The following EXOC6B variants were observed in gnomAD, a reference collection of about 807,000 sequenced individuals.
The protein encoded by EXOC6B is SEC15 homolog B.
In EXOC6B, 54 loss-of-function variants were observed where a neutral mutation model predicts 113.5. That is an observed-to-expected ratio of 0.48 (90% confidence interval 0.38 to 0.60). EXOC6B has a LOEUF of 0.60. Among genes scored for constraint, EXOC6B ranks in the 20% least tolerant of loss-of-function variants. The pLI, the probability that EXOC6B is intolerant of heterozygous loss-of-function variation, is 0.00. For synonymous variants in EXOC6B, 357 were observed against 339.0 expected (o/e 1.05, Z -0.58); for missense variants, 797 against 977.5 (o/e 0.82, Z 2.46).
intron 19 of EXOC6B, 49 bp from the exon 20 acceptor site, chr2:72,335,069 A>G (rs1314275785): frequency 6.5e-7 from 1 of 1,537,308 alleles, no homozygotes; most frequent in South Asian, 1.1e-5. Context: ...AACCATGGAC[A>G]GGGAGATTGG....
rs112248252 is a variant in EXOC6B, at chr2:72,349,575, G to A, written c.2123-14555C>T. Among the ~76,000 whole-genome samples, 1,164 of 152,272 alleles carry A rather than the reference G, an allele frequency of 7.6e-3. 15 individuals are homozygous for A. Among genetic ancestry groups the A allele is most frequent in the African/African-American group, 0.026 (1,067 of 41,550 alleles). ...AAAACTCTGGACACTAAAACACAGT[G>A]CAGTTTCCTGATTGGTGAAAACATT... On this transcript the variant is annotated intron_variant, in intron 19 of 21. Transcript: ENST00000272427.
At chr2:72,232,714 T>C (rs1681703039) in intron 20 of EXOC6B, among the ~76,000 whole-genome samples, 1 of 152,208 alleles carries the variant, frequency 6.6e-6, no homozygotes, top group Non-Finnish European at 1.5e-5. Flanking sequence ...ATCTTAAACA[T>C]TATTTCAAAT....
intron 18 of EXOC6B, among the ~76,000 whole-genome samples, chr2:72,445,703 T>A (rs1444105048): frequency 2.6e-5 from 4 of 152,132 alleles, no homozygotes; most frequent in Non-Finnish European, 5.9e-5. Flanking sequence ...AAGAACAGCA[T>A]GGGAAAGACC....
chr2:72,748,002 A>C (rs1681809964), intron 1 of EXOC6B, among the ~76,000 whole-genome samples: 1 of 152,044 alleles, frequency 6.6e-6, no homozygotes, highest in East Asian at 1.9e-4. Context: ...ACAGCCTGGC[A>C]CAGAGGAGGT....
intron 19 of EXOC6B, among the ~76,000 whole-genome samples, chr2:72,352,826 TCTGTCAA>T (rs1689741874): frequency 6.6e-6 from 1 of 151,860 alleles, no homozygotes; most frequent in East Asian, 1.9e-4. Context: ...TGTGTAGAAA[TCTGTCAA>T]CTTGCAACAA....
chr2:72,318,435 C>G (rs1687652574), intron 20 of EXOC6B, among the ~76,000 whole-genome samples: 1 of 151,868 alleles, frequency 6.6e-6, no homozygotes, highest in Non-Finnish European at 1.5e-5. Context: ...GCTCTGTTGC[C>G]CAGGCTAGAG....
At chr2:72,432,770 TG>T (rs1695616342) in intron 18 of EXOC6B, among the ~76,000 whole-genome samples, 2 of 152,190 alleles carry the variant, frequency 1.3e-5, no homozygotes, top group Non-Finnish European at 2.9e-5. Context: ...TTGATGGGGT[TG>T]TTTTTTTTCT....
At chr2:72,297,935 A>T (rs1686242702) in intron 20 of EXOC6B, among the ~76,000 whole-genome samples, 1 of 152,126 alleles carries the variant, frequency 6.6e-6, no homozygotes, top group Non-Finnish European at 1.5e-5. Context: ...GAATAAGTGC[A>T]ATGTGGTGCT....
intron 1 of EXOC6B, among the ~76,000 whole-genome samples, chr2:72,794,016 C>A (rs763234644): frequency 6.6e-5 from 10 of 152,266 alleles, no homozygotes; most frequent in Non-Finnish European, 1.0e-4. Flanking sequence ...AAGGGGTGTC[C>A]CCTGGGGCTC....
At chr2:72,368,273 A>C (rs1690763999) in intron 19 of EXOC6B, among the ~76,000 whole-genome samples, 1 of 152,230 alleles carries the variant, frequency 6.6e-6, no homozygotes, top group African/African-American at 2.4e-5. Context: ...GAAGAAATGG[A>C]TAAATTCCTC....
chr2:72,729,183 A>G (rs1680487190), intron 5 of EXOC6B, among the ~76,000 whole-genome samples: 1 of 152,112 alleles, frequency 6.6e-6, no homozygotes, highest in African/African-American at 2.4e-5. Flanking sequence ...GAATAGAAGA[A>G]CATTCAATAA....
At chr2:72,242,915 T>A (rs575719680) in intron 20 of EXOC6B, among the ~76,000 whole-genome samples, 2 of 152,266 alleles carry the variant, frequency 1.3e-5, no homozygotes, top group South Asian at 4.2e-4. Context: ...AAATTTTTTT[T>A]GTAGAGATGG....
intron 6 of EXOC6B, among the ~76,000 whole-genome samples, chr2:72,628,202 A>G (rs955831813): frequency 6.6e-5 from 10 of 150,796 alleles, no homozygotes; most frequent in Non-Finnish European, 1.3e-4. Context: ...ATAGCTCACT[A>G]CTGCCTCAAA....
intron 20 of EXOC6B, among the ~76,000 whole-genome samples, chr2:72,236,103 C>T (rs757705086): frequency 5.9e-5 from 9 of 152,128 alleles, no homozygotes; most frequent in Non-Finnish European, 1.2e-4. Flanking sequence ...AATTTACTTC[C>T]CTTGGATTCT....
chr2:72,657,760 A>G (rs556926043), intron 6 of EXOC6B, among the ~76,000 whole-genome samples: 23 of 150,598 alleles, frequency 1.5e-4, no homozygotes, highest in Non-Finnish European at 2.4e-4. Flanking sequence ...ACCATAAGAA[A>G]TTCACATAAG....
chr2:72,225,007 A>ATATATATATATATATATATATAT (rs1681138635), intron 20 of EXOC6B, among the ~76,000 whole-genome samples: 1 of 114,176 alleles, frequency 8.8e-6, no homozygotes, highest in African/African-American at 3.0e-5. Flanking sequence ...TATATATATA[A>ATATATATATATATATATATATAT]ATACACATAC....
chr2:72,409,242 T>A (rs1394458200), intron 18 of EXOC6B, among the ~76,000 whole-genome samples: 2 of 152,100 alleles, frequency 1.3e-5, no homozygotes, highest in African/African-American at 2.4e-5. Flanking sequence ...GATGTGGAGA[T>A]ACAGGAACAC....
At chr2:72,291,335 A>G (rs894918089) in intron 20 of EXOC6B, among the ~76,000 whole-genome samples, 4 of 152,214 alleles carry the variant, frequency 2.6e-5, no homozygotes, top group African/African-American at 9.6e-5. Context: ...GGTCAACTAT[A>G]GCTATTAAAA....
At chr2:72,601,190 C>A (rs560092718) in intron 6 of EXOC6B, among the ~76,000 whole-genome samples, 11 of 132,184 alleles carry the variant, frequency 8.3e-5, no homozygotes, top group African/African-American at 2.8e-4. Flanking sequence ...ATCTTTTTTT[C>A]TTTTTTTCCT....
Sources: allele counts gnomAD v4.1 joint callset (sites outside exome capture counted in the v4.1 genomes callset), GRCh38; gene constraint gnomAD v4.1.1; transcripts MANE v1.5; gene names NCBI Gene and HGNC (gene_info 2026-07-23, HGNC 2026-07-21).